PLCG2: variants seen among roughly 807,000 people sequenced by gnomAD.
PLCG2 encodes the protein 1-phosphatidylinositol 4,5-bisphosphate phosphodiesterase gamma-2.
A neutral mutation model predicts 175.6 loss-of-function variants in PLCG2; 69 were observed. The ratio of observed to expected loss-of-function variants is 0.39; its 90% CI spans 0.32 to 0.48. The LOEUF is 0.48. Among genes scored for constraint, PLCG2 ranks in the 20% least tolerant of loss-of-function variants. The probability of loss-of-function intolerance (pLI) is 0.91; values close to 1 mark genes in which losing one functional copy is unlikely to be tolerated. For synonymous variants in PLCG2, 827 were observed against 624.0 expected (o/e 1.33, Z -4.85); for missense variants, 1,798 against 1,650.9 (o/e 1.09, Z -1.54).
At chr16:81,806,165 C>G (rs377076058) in intron 2 of PLCG2, among the ~76,000 whole-genome samples, 2 of 151,926 alleles carry the variant, frequency 1.3e-5, no homozygotes, top group Non-Finnish European at 2.9e-5. Context: ...CAGACAGATT[C>G]AATTCTGAGT....
At chr16:81,849,663 C>T (rs1475438151) in intron 2 of PLCG2, among the ~76,000 whole-genome samples, 7 of 149,708 alleles carry the variant, frequency 4.7e-5, no homozygotes, top group East Asian at 4.0e-4. Flanking sequence ...CCCAGCTACT[C>T]GGGAGGCTGA....
At chr16:81,805,942 G>C (rs546365910) in intron 2 of PLCG2, among the ~76,000 whole-genome samples, 1 of 152,028 alleles carries the variant, frequency 6.6e-6, no homozygotes, top group East Asian at 1.9e-4. Flanking sequence ...ACGCAGTCAT[G>C]TGTGTAGTTT....
intron 2 of PLCG2, among the ~76,000 whole-genome samples, chr16:81,808,367 C>G (rs549288069): frequency 2.6e-5 from 4 of 152,082 alleles, no homozygotes; most frequent in Admixed American, 1.3e-4. Flanking sequence ...CCAGGGCACC[C>G]TTTTAGAGAG....
At chr16:81,851,716 T>C (rs111800643) in intron 2 of PLCG2, among the ~76,000 whole-genome samples, 58 of 152,364 alleles carry the variant, frequency 3.8e-4, no homozygotes, top group African/African-American at 1.3e-3. Context: ...TTTCACCTTG[T>C]TGGCCAGGCT....
At chr16:81,912,751 AG>A (rs1909683661) in intron 19 of PLCG2, 35 bp downstream of exon 19, 1 of 1,556,136 alleles carries the variant, frequency 6.4e-7, no homozygotes, top group Admixed American at 1.9e-5. Context: ...TGCTCTACAG[AG>A]GGGCTTGGCA....
intron 21 of PLCG2, among the ~76,000 whole-genome samples, chr16:81,923,231 TCCTAACC>T (rs66849768): frequency 4.0e-5 from 6 of 151,376 alleles, no homozygotes; most frequent in South Asian, 2.1e-4. Context: ...AAACCCTAAC[TCCTAACC>T]CCTAACCCTT....
intron 2 of PLCG2, among the ~76,000 whole-genome samples, chr16:81,760,807 A>G (rs1006030359): frequency 6.6e-6 from 1 of 151,920 alleles, no homozygotes; most frequent in Non-Finnish European, 1.5e-5. Flanking sequence ...GCAAGTACCT[A>G]TAATCCCAGC....
At chr16:81,789,718 C>G (rs1223630597) in intron 2 of PLCG2, among the ~76,000 whole-genome samples, 3 of 152,104 alleles carry the variant, frequency 2.0e-5, no homozygotes, top group South Asian at 4.1e-4. Flanking sequence ...CCCGGATGGT[C>G]TGGTAACTAG....
chr16:81,925,602 G>A (rs945401724), intron 22 of PLCG2, among the ~76,000 whole-genome samples: 11 of 152,262 alleles, frequency 7.2e-5, no homozygotes, highest in African/African-American at 2.6e-4. Flanking sequence ...GATCCAGAAA[G>A]GTCAGCCGGG....
chr16:81,929,545 G>GCCAC (rs1418260275), intron 24 of PLCG2, among the ~76,000 whole-genome samples: 2 of 152,158 alleles, frequency 1.3e-5, no homozygotes, highest in African/African-American at 4.8e-5. Flanking sequence ...ACAGGCATGG[G>GCCAC]CCACCGTGCC....
chr16:81,893,209 G>C (rs1039307160), intron 11 of PLCG2, among the ~76,000 whole-genome samples: 9 of 152,182 alleles, frequency 5.9e-5, no homozygotes, highest in African/African-American at 1.9e-4. Flanking sequence ...AAGGAGGAAA[G>C]TGCATTAAAG....
intron 2 of PLCG2, among the ~76,000 whole-genome samples, chr16:81,851,209 C>T (rs1906391127): frequency 6.6e-6 from 1 of 152,186 alleles, no homozygotes; most frequent in African/African-American, 2.4e-5. Flanking sequence ...CTCTTGTGGA[C>T]CTGGCAAAAA....
chr16:81,893,825 C>CACAGGAA, intron 12 of PLCG2, 31 bp downstream of exon 12: 2 of 1,429,224 alleles, frequency 1.4e-6, no homozygotes, highest in Non-Finnish European at 2.0e-6. Context: ...GGAGGTCAGG[C>CACAGGAA]TCGCAGCAAA....
intron 7 of PLCG2, among the ~76,000 whole-genome samples, chr16:81,871,541 T>A (rs1376731551): frequency 6.6e-6 from 1 of 152,144 alleles, no homozygotes; most frequent in African/African-American, 2.4e-5. Flanking sequence ...TTTTGCCGCA[T>A]TGGGTGGGCA....
Position 81,956,725 on chromosome 16 carries a change from C to G in PLCG2, c.3601C>G (p.Arg1201Gly). 6.2e-7 allele frequency: 1 copy of G among 1,614,066 alleles called. No homozygotes were observed. The highest frequency in any genetic ancestry group is 8.5e-7 in the Non-Finnish European group (1 of 1,179,996). The stretch of plus-strand genomic sequence containing the variant: ...CGAAGAGGAACTTTACTCCTCCTGT[C>G]GCCAGCTGAGGAGGCGGCAAGAAGA... ...ESEEELYSSC[R>G]QLRRRQEELN... is the part of the protein sequence containing the mutation. Residue 1201 changes from arginine to glycine, a missense_variant, in exon 32 of 33, where the codon CGC (arginine) becomes GGC (glycine). Transcript: ENST00000564138.
At chr16:81,756,913 C>T (rs754725349) in intron 2 of PLCG2, among the ~76,000 whole-genome samples, 6 of 152,098 alleles carry the variant, frequency 3.9e-5, no homozygotes, top group African/African-American at 7.2e-5. Context: ...ACACACACAC[C>T]GCGCCTCTAC....
chr16:81,938,072 G>C (rs4369659), intron 28 of PLCG2, among the ~76,000 whole-genome samples, 169 bp downstream of exon 28: 2 of 151,868 alleles, frequency 1.3e-5, no homozygotes, highest in Non-Finnish European at 2.9e-5. Context: ...AGTACACTCC[G>C]GGGTCGTTCT....
At chr16:81,856,798 G>A (rs1906707406) in intron 3 of PLCG2, among the ~76,000 whole-genome samples, 1 of 152,156 alleles carries the variant, frequency 6.6e-6, no homozygotes, top group African/African-American at 2.4e-5. Flanking sequence ...TTAAATTGAG[G>A]ATCTTGAGAT....
At chr16:81,937,644 G>A in intron 27 of PLCG2, 114 bp from the exon 28 acceptor site, 1 of 854,990 alleles carries the variant, frequency 1.2e-6, no homozygotes, top group Non-Finnish European at 1.8e-6. Flanking sequence ...TTGAACAGCT[G>A]CCTCACATTA....
Sources: gnomAD v4.1 joint callset for allele counts (sites outside exome capture counted in the v4.1 genomes callset) on GRCh38, gnomAD v4.1.1 for gene constraint, MANE v1.5 for transcripts, NCBI Gene and HGNC (gene_info 2026-07-23, HGNC 2026-07-21) for gene names.